Variants in DNAH12 observed in about 807,000 individuals in gnomAD.
DNAH12 encodes the protein axonemal beta dynein heavy chain 12.
A neutral mutation model predicts 371.5 loss-of-function variants in DNAH12; 285 were observed. The observed-to-expected ratio is 0.77, with a 90% confidence interval of 0.70 to 0.85. DNAH12 has a LOEUF of 0.85. DNAH12 is among the 40% of genes least tolerant of loss of function. DNAH12 has a pLI of 0.00. For synonymous variants in DNAH12, 1,200 were observed against 1,213.0 expected (o/e 0.99, Z 0.22); for missense variants, 3,611 against 3,689.4 (o/e 0.98, Z 0.55).
upstream of DNAH12, among the ~76,000 whole-genome samples, chr3:57,547,322 TA>T (rs35445077): frequency 0.024 from 3,657 of 151,638 alleles, 69 homozygotes; most frequent in Non-Finnish European, 0.035. Flanking sequence ...TTTTTTACTT[TA>T]AAAAAAAATT....
At chr3:57,307,217 T>C (rs1489773538) in intron 69 of DNAH12, among the ~76,000 whole-genome samples, 1 of 141,456 alleles carries the variant, frequency 7.1e-6, no homozygotes, top group African/African-American at 2.7e-5. Flanking sequence ...TTCCTAGGCA[T>C]GGTTAGATAC....
intron 13 of DNAH12, among the ~76,000 whole-genome samples, chr3:57,480,149 A>T (rs1056611126): frequency 3.0e-4 from 46 of 151,890 alleles, no homozygotes; most frequent in Non-Finnish European, 5.7e-4. Flanking sequence ...TTTTGAAAAG[A>T]TCAACAAAAT....
rs1288249035 is a variant in DNAH12 at position 57,428,614 on chromosome 3, CA to C, written c.5253+18del. The C allele has an allele frequency of 3.9e-6, 6 of 1,521,254 alleles. 1 individual carries two copies. In the Admixed American group the frequency reaches 7.1e-5, roughly 18 times the overall value. The allele number at this position is 1,521,254 out of a possible 1,614,324, so 94.2% of individuals were successfully genotyped here. ...TGGAAACAAAGAAACTTGAATAGGT[CA>C]GAGAATTATAGGATTACCTTGCATT... On this transcript the variant is annotated intron_variant, in intron 34 of 73. Coordinates refer to ENST00000495027, the MANE Select transcript of DNAH12 (RefSeq NM_001366028.2).
chr3:57,316,582 GCT>G (rs2061690258), intron 65 of DNAH12, among the ~76,000 whole-genome samples: 2 of 152,044 alleles, frequency 1.3e-5, no homozygotes, highest in African/African-American at 4.8e-5. Context: ...ATATCGTTTG[GCT>G]CTGTGTCCCC....
intron 13 of DNAH12, among the ~76,000 whole-genome samples, chr3:57,473,144 T>C (rs1274063479): frequency 1.3e-5 from 2 of 152,162 alleles, no homozygotes; most frequent in East Asian, 1.9e-4. Flanking sequence ...CACATGTTAC[T>C]GTATGCAATA....
chr3:57,538,056 T>G (rs2069125931), intron 2 of DNAH12, among the ~76,000 whole-genome samples: 1 of 152,122 alleles, frequency 6.6e-6, no homozygotes, highest in Admixed American at 6.5e-5. Context: ...CAAATATACT[T>G]AAAGTTTTTG....
At chr3:57,357,383 G>A (rs1262994922) in intron 58 of DNAH12, 35 bp from the exon 59 acceptor site, 1 of 152,040 alleles carries the variant, frequency 6.6e-6, no homozygotes, top group Non-Finnish European at 1.5e-5. Context: ...TAAGAAATAG[G>A]AAGAGTATTT....
intron 2 of DNAH12, among the ~76,000 whole-genome samples, chr3:57,541,344 TTTTTC>T (rs2069275072): frequency 6.6e-6 from 1 of 152,090 alleles, no homozygotes; most frequent in Non-Finnish European, 1.5e-5. Context: ...CCGGCCTCTC[TTTTTC>T]TTTTAAGACT....
chr3:57,293,702 G>C lies in DNAH12; in HGVS notation c.*79C>G. ...TTAAAAGAATAACACCAAAACACTT[G>C]GTTTTATAATGTATATATTTTAAGT... On this transcript the variant is annotated 3_prime_UTR_variant, in exon 74 of 74. Coordinates refer to ENST00000495027, the MANE Select transcript of DNAH12 (RefSeq NM_001366028.2). The C allele has an allele frequency of 7.3e-7, 1 of 1,367,112 alleles. No homozygotes were observed. The highest frequency in any genetic ancestry group is 1.4e-5 in the South Asian group (1 of 72,556). The allele number at this position is 1,367,112 out of a possible 1,614,324, so 84.7% of individuals were successfully genotyped here. A position where few individuals can be genotyped will look rare whatever the true frequency, so the allele number is the denominator to read the frequency against.
chr3:57,429,229 T>C (rs1460446278), intron 33 of DNAH12, among the ~76,000 whole-genome samples: 1 of 151,464 alleles, frequency 6.6e-6, no homozygotes, highest in African/African-American at 2.4e-5. Flanking sequence ...CAGGCTGGAG[T>C]GCAATGGTAC....
Position 57,438,568 on chromosome 3 carries a change from T to C in DNAH12, c.4546-1508A>G, listed in dbSNP as rs553113671. ...CCAAAAGGCTCCTGAAACTGATAAA[T>C]GACTATGGTAAAGTTTCAGGAACAA... On this transcript the variant is annotated intron_variant, in intron 29 of 73. Coordinates refer to ENST00000495027, the MANE Select transcript of DNAH12 (RefSeq NM_001366028.2). Among the ~76,000 whole-genome samples, 90 of 152,142 alleles carry C rather than the reference T, an allele frequency of 5.9e-4. 1 individual carries two copies. The highest frequency in any genetic ancestry group is 2.0e-3 in the African/African-American group (82 of 41,500).
chr3:57,438,799 A>G (rs1409532597), intron 29 of DNAH12, among the ~76,000 whole-genome samples: 2 of 151,514 alleles, frequency 1.3e-5, no homozygotes, highest in Non-Finnish European at 2.9e-5. Context: ...CTAAAAATAC[A>G]AAACTATCTG....
At chr3:57,498,233 G>T (rs941082770) in intron 11 of DNAH12, 4 of 412,176 alleles carry the variant, frequency 9.7e-6, no homozygotes, top group South Asian at 1.1e-4. Flanking sequence ...AAGCCCAAAG[G>T]TTGAAAAGGA....
At chr3:57,320,384 AAAGT>A (rs1189063186) in intron 65 of DNAH12, among the ~76,000 whole-genome samples, 1 of 152,250 alleles carries the variant, frequency 6.6e-6, no homozygotes, top group Non-Finnish European at 1.5e-5. Context: ...TAAGGAGAAT[AAAGT>A]GAGTACAGCA....
rs2061547587 is a variant in DNAH12, at chr3:57,309,702, C to G, written c.11049G>C (p.Gln3683His). The part of the protein sequence containing the change: ...KQTGASGSTD[Q>H]ILLEITKDIL... ...TATCTTTGGTAATTTCTAACAGAAT[C>G]TGATCAGTACTTCCTGAGGCTCCTG... Residue 3683 changes from glutamine (Q) to histidine (H), a missense_variant, in exon 68 of 74, where the codon CAG becomes CAC. Physicochemically the swap from Gln to His is conservative, Grantham distance 24. Coordinates refer to ENST00000495027, the MANE Select transcript of DNAH12 (RefSeq NM_001366028.2). The G allele has an allele frequency of 6.5e-7, 1 of 1,538,260 alleles. No homozygotes were observed. Among genetic ancestry groups the G allele is most frequent in the African/African-American group, 1.4e-5 (1 of 72,204 alleles).
intron 62 of DNAH12, among the ~76,000 whole-genome samples, chr3:57,333,127 T>G (rs1265198457): frequency 1.3e-5 from 2 of 151,772 alleles, no homozygotes; most frequent in African/African-American, 2.4e-5. Context: ...TGAGACAGAG[T>G]CTCACTCTGC....
At chr3:57,360,911 T>C (rs2062912717) in intron 58 of DNAH12, among the ~76,000 whole-genome samples, 1 of 152,166 alleles carries the variant, frequency 6.6e-6, no homozygotes. Context: ...CATTCTGTAA[T>C]ACCATTTAAT....
At chr3:57,402,166 A>C (rs187732494) in intron 43 of DNAH12, among the ~76,000 whole-genome samples, 2 of 152,324 alleles carry the variant, frequency 1.3e-5, no homozygotes, top group African/African-American at 4.8e-5. Context: ...GTCTATGTAG[A>C]TAGATTTCTT....
intron 2 of DNAH12, among the ~76,000 whole-genome samples, chr3:57,525,756 CTTTTTTTTT>C (rs776184662): frequency 3.9e-5 from 3 of 76,272 alleles, no homozygotes; most frequent in Non-Finnish European, 6.7e-5. Context: ...ATGTCTTATT[CTTTTTTTTT>C]TTTTTTTTTT....
Sources: allele counts gnomAD v4.1 joint callset (sites outside exome capture counted in the v4.1 genomes callset), GRCh38; gene constraint gnomAD v4.1.1; transcripts MANE v1.5; gene names NCBI Gene and HGNC (gene_info 2026-07-23, HGNC 2026-07-21).